Variants in CYGB observed in about 807,000 individuals in gnomAD.
The protein encoded by CYGB is cytoglobin, also known as histoglobin.
A neutral mutation model predicts 20.7 loss-of-function variants in CYGB; 13 were observed. The observed-to-expected ratio is 0.63, with a 90% CI of 0.41 to 1.00. The LOEUF is 1.00. CYGB is among the 50% of genes least tolerant of loss of function. CYGB has a pLI of 0.00. For synonymous variants in CYGB, 93 were observed against 107.4 expected, an observed-to-expected ratio of 0.87 and a Z score of 0.83; for missense variants, 218 against 257.2, an observed-to-expected ratio of 0.85 and a Z score of 1.04.
Position 76,531,988 on chromosome 17 carries a change from T to A in CYGB, c.144-297A>T, listed in dbSNP as rs1294406183. On this transcript the variant is annotated intron_variant, in intron 1 of 3. Transcript: ENST00000293230. This position sits in a 1 kb window ranked among gnomAD's most constrained non-coding sequence, Gnocchi z 7.4. Reference sequence around the variant, plus strand: ...TTCCTTCCCAAACTCTACACCCCCTTCAAGCCCTGCTCTAGTCATAGCCGA... The same window carrying A: ...TTCCTTCCCAAACTCTACACCCCCTACAAGCCCTGCTCTAGTCATAGCCGA... 1 of 310,720 alleles carries A rather than the reference T, an allele frequency of 3.2e-6. No homozygotes were observed. The highest frequency in any genetic ancestry group is 2.1e-5 in the African/African-American group (1 of 48,056). 19.2% of individuals were successfully genotyped at this position (310,720 alleles called of 1,614,324 possible).
At chr17:76,538,505 C>T, upstream of CYGB, 1 of 466,924 alleles carries the variant, frequency 2.1e-6, no homozygotes, top group Non-Finnish European at 4.4e-6. Flanking sequence ...ATGACACGGA[C>T]AGGCAAGAAC....
rs1598198570 is a variant in CYGB at position 76,527,611 on chromosome 17, G to C, written c.*967C>G. The C allele has an allele frequency of 6.6e-6, 3 of 453,208 alleles. No individual in the cohort carries two copies. Among genetic ancestry groups the C allele is most frequent in the Non-Finnish European group, 8.8e-6 (2 of 226,046 alleles). The allele number at this position is 453,208 out of a possible 1,614,324, so 28.1% of individuals were successfully genotyped here. On this transcript the variant is annotated 3_prime_UTR_variant, in exon 4 of 4. Coordinates refer to ENST00000293230, the MANE Select transcript of CYGB (RefSeq NM_134268.5). ...ATAGACAGGGCCGACTGCCGGCCAG[G>C]AGGAGGGTGGGGTGGGGAAAGCCCT...
Position 76,528,583 on chromosome 17 carries a change from GC to G in CYGB, c.567del (p.Pro190ArgfsTer25). On this transcript the variant is annotated frameshift_variant, in exon 4 of 4. Coordinates refer to ENST00000293230, the MANE Select transcript of CYGB (RefSeq NM_134268.5). LOFTEE classifies it high-confidence loss of function. The surrounding 1 kb of genome is among the most constrained non-coding windows in gnomAD (Gnocchi z 5.8). ...GGGGGGTGGAGTTAGGGGTCCTACG[GC>G]CCCGAAGAGGGCAGTGTGGCCGGTG... ...TTPPATLPSS[G>X]P 1 of 1,287,216 alleles carries G rather than the reference GC, an allele frequency of 7.8e-7. No homozygotes were observed. The highest frequency in any genetic ancestry group is 9.9e-7 in the Non-Finnish European group (1 of 1,009,396). The allele number at this position is 1,287,216 out of a possible 1,614,324, so 79.7% of individuals were successfully genotyped here.
At chr17:76,544,951 CAGAGGAAGGGCGGGAAAAAG>C (rs1322150853) in intron 1 of CYGB, 3 of 456,668 alleles carry the variant, frequency 6.6e-6, no homozygotes, top group Non-Finnish European at 1.3e-5. Context: ...GGGATCCATC[CAGAGGAAGGGCGGGAAAAAG>C]AGAGGAAGGG....
chr17:76,534,887 T>G (rs759394535), intron 1 of CYGB, among the ~76,000 whole-genome samples: 1 of 152,164 alleles, frequency 6.6e-6, no homozygotes, highest in African/African-American at 2.4e-5. Context: ...TGTGCCTGGC[T>G]CCTTCCTCCT....
upstream of CYGB, chr17:76,542,607 G>C (rs1315794886): frequency 1.2e-6 from 2 of 1,613,646 alleles, no homozygotes; most frequent in Non-Finnish European, 1.7e-6. Context: ...CTCAGGCCCA[G>C]AGACTGGGAT....
chr17:76,531,585 G>A lies in CYGB; in HGVS notation c.250C>T (p.Arg84Ter). ...ACAGTGTTGAGGGCCCCCATGACTC[G>A]GCAGGCGTGCTTCCGCAGCTGGGGG... ...RSPQLRKHACRVMGALNTVVE... is the reference protein window; with the variant it reads ...RSPQLRKHAC Residue 84 changes from arginine (R) to a stop codon, truncating the protein, a stop_gained, in exon 2 of 4, where the codon CGA (arginine) becomes TGA (stop). Coordinates refer to ENST00000293230, the MANE Select transcript of CYGB (RefSeq NM_134268.5). LOFTEE classifies it high-confidence loss of function. The surrounding 1 kb of genome is among the most constrained non-coding windows in gnomAD (Gnocchi z 7.4). 1.2e-6 allele frequency: 2 copies of A among 1,613,982 alleles called. No individual in the cohort carries two copies. The highest frequency in any genetic ancestry group is 1.7e-6 in the Non-Finnish European group (2 of 1,179,828).
intron 1 of CYGB, chr17:76,545,796 G>A (rs1209377833): frequency 4.8e-6 from 1 of 210,182 alleles, no homozygotes; most frequent in Non-Finnish European, 9.7e-6. Flanking sequence ...GCACAATCCG[G>A]TTTGAACTGT....
At chr17:76,547,716 G>C (rs1456286669) in intron 1 of CYGB, among the ~76,000 whole-genome samples, 4 of 140,160 alleles carry the variant, frequency 2.9e-5, no homozygotes, top group Non-Finnish European at 3.1e-5. Flanking sequence ...CACACACAGA[G>C]ACACATACAT....
chr17:76,531,503 T>G lies in CYGB; in HGVS notation c.332A>C (p.Lys111Thr), dbSNP rs1158213920. Residue 111 changes from lysine (K) to threonine (T), a missense_variant, in exon 2 of 4, where the codon AAA becomes ACA. Physicochemically the swap from Lys to Thr is moderately conservative, Grantham distance 78 (BLOSUM62 -1). Coordinates refer to ENST00000293230, the MANE Select transcript of CYGB (RefSeq NM_134268.5). This position sits in a 1 kb window ranked among gnomAD's most constrained non-coding sequence, Gnocchi z 7.4. Reference protein sequence around the residue: ...KVSSVLALVGKAHALKHKVEP... With the variant: ...KVSSVLALVGTAHALKHKVEP... ...CACCTTGTGCTTGAGGGCGTGGGCT[T>G]TCCCCACAAGGGCGAGCACAGAGGA... 1.2e-6 allele frequency: 2 copies of G among 1,613,342 alleles called. No homozygotes were observed. Among genetic ancestry groups the G allele is most frequent in the Non-Finnish European group, 1.7e-6 (2 of 1,179,298 alleles).
rs746405400 is a variant in CYGB, at chr17:76,531,729, G to T, written c.144-38C>A. ...ACAGGGGTGGTCGCTGAAGCTGGAGGCTGCCTCGGGCCCACCCTGAAGCTT... is the reference window on the plus strand; with the variant it reads ...ACAGGGGTGGTCGCTGAAGCTGGAGTCTGCCTCGGGCCCACCCTGAAGCTT... On this transcript the variant is annotated intron_variant, in intron 1 of 3. Coordinates refer to ENST00000293230, the MANE Select transcript of CYGB (RefSeq NM_134268.5). The surrounding 1 kb of genome is among the most constrained non-coding windows in gnomAD (Gnocchi z 7.4). 1 of 1,536,542 alleles carries T rather than the reference G, an allele frequency of 6.5e-7. No homozygotes were observed. The highest frequency in any genetic ancestry group is 8.9e-7 in the Non-Finnish European group (1 of 1,127,830).
chr17:76,537,331 A>AGCCCTCCTCTGCCCGGAGCCGCTGCC, intron 1 of CYGB, 69 bp downstream of exon 1: 1 of 1,461,744 alleles, frequency 6.8e-7, no homozygotes. Flanking sequence ...ACCCGGGCCC[A>AGCCCTCCTCTGCCCGGAGCCGCTGCC]GCCCTCCTCT....
At position 76,531,353 on chromosome 17, in the gene CYGB, T is replaced by G; in HGVS notation, c.375+107A>C. On this transcript the variant is annotated intron_variant, in intron 2 of 3. Coordinates refer to ENST00000293230, the MANE Select transcript of CYGB (RefSeq NM_134268.5). The surrounding 1 kb of genome is among the most constrained non-coding windows in gnomAD (Gnocchi z 7.4). The stretch of plus-strand genomic sequence containing the variant: ...CACTGCCCCTCCCTCTCGCAGCCAC[T>G]CCGGGGATCACCTCTGTTGCTCCAG... 2 of 1,406,144 alleles carry G rather than the reference T, an allele frequency of 1.4e-6. No individual in the cohort carries two copies. The highest frequency in any genetic ancestry group is 1.9e-6 in the Non-Finnish European group (2 of 1,028,620). The allele number at this position is 1,406,144 out of a possible 1,614,324, so 87.1% of individuals were successfully genotyped here.
In CYGB at chr17:76,531,844, A is replaced by G; in HGVS notation, c.144-153T>C. ...CACTACCATCAGTAGACCTCAGCAT[A>G]GACCCTCCTCCCTCTGGCCAAGCCG... is the stretch of plus-strand genomic sequence containing the variant. On this transcript the variant is annotated intron_variant, in intron 1 of 3. Transcript: ENST00000293230. This position sits in a 1 kb window ranked among gnomAD's most constrained non-coding sequence, Gnocchi z 7.4. 1.6e-6 allele frequency: 1 copy of G among 638,020 alleles called. No homozygotes were observed. The highest frequency in any genetic ancestry group is 2.7e-6 in the Non-Finnish European group (1 of 375,626). 39.5% of individuals were successfully genotyped at this position (638,020 alleles called of 1,614,324 possible). A position where few individuals can be genotyped will look rare whatever the true frequency, so the allele number is the denominator to read the frequency against.
Position 76,537,466 on chromosome 17 carries a change from G to T in CYGB, c.77C>A (p.Ala26Glu), listed in dbSNP as rs758935818. ...SEELSEAERK[A>E]VQAMWARLYA... ...GAGCCGGGCCCACATAGCCTGCACC[G>T]CCTTCCTCTCCGCCTCGGACAGCTC... is the stretch of plus-strand genomic sequence containing the variant. Residue 26 changes from alanine (A) to glutamate (E), a missense_variant, in exon 1 of 4, where the codon GCG (alanine) becomes GAG (glutamate). By Grantham distance (107) the Ala-to-Glu change is moderately radical. This residue lies in a region of CYGB where 152 missense variants were observed against 149.9 expected (regional missense o/e 1.01). Coordinates refer to ENST00000293230, the MANE Select transcript of CYGB (RefSeq NM_134268.5). The T allele has an allele frequency of 6.3e-7, 1 of 1,596,878 alleles. No individual in the cohort carries two copies. Among genetic ancestry groups the T allele is most frequent in the Non-Finnish European group, 8.5e-7 (1 of 1,172,238 alleles).
In CYGB at chr17:76,533,562, A is replaced by T. The variant is rs987124402; in HGVS notation, c.144-1871T>A. On this transcript the variant is annotated intron_variant, in intron 1 of 3. Coordinates refer to ENST00000293230, the MANE Select transcript of CYGB (RefSeq NM_134268.5). The surrounding 1 kb of genome is among the most constrained non-coding windows in gnomAD (Gnocchi z 4.5). ...CAATGTGGCAAACCCTGTCTCTACAAAATACAAAAAATTAGCCAGGTGTGG... is the reference window on the plus strand; with the variant it reads ...CAATGTGGCAAACCCTGTCTCTACATAATACAAAAAATTAGCCAGGTGTGG... 6.6e-6 allele frequency among the ~76,000 whole-genome samples: 1 copy of T among 152,048 alleles called. No individual in the cohort carries two copies. Among genetic ancestry groups the T allele is most frequent in the Non-Finnish European group, 1.5e-5 (1 of 68,018 alleles).
In CYGB at chr17:76,530,915, A is replaced by G. The variant is rs2074829401; in HGVS notation, c.539+64T>C. On this transcript the variant is annotated intron_variant, in intron 3 of 3. Transcript: ENST00000293230. The surrounding 1 kb of genome is among the most constrained non-coding windows in gnomAD (Gnocchi z 6.1). ...CCCAGGGCCTCAGGAGATATGGGAG[A>G]CCTCGGGGACAGCAGAGGACATGGC... is the stretch of plus-strand genomic sequence containing the variant. 1.3e-6 allele frequency: 2 copies of G among 1,482,854 alleles called. No individual in the cohort carries two copies. Among genetic ancestry groups the G allele is most frequent in the East Asian group, 2.5e-5 (1 of 40,306 alleles). 91.9% of individuals were successfully genotyped at this position (1,482,854 alleles called of 1,614,324 possible).
intron 1 of CYGB, among the ~76,000 whole-genome samples, chr17:76,537,143 G>A (rs1726245808): frequency 6.6e-6 from 1 of 152,230 alleles, no homozygotes; most frequent in Admixed American, 6.5e-5. Context: ...TGAGGCCGGG[G>A]AGAGGAGGGG....
intron 1 of CYGB, chr17:76,547,315 G>C (rs1000577548): frequency 2.6e-5 from 4 of 152,354 alleles, no homozygotes; most frequent in Non-Finnish European, 5.9e-5. Context: ...GCCAGGGGCA[G>C]GGCCCTGGGG....
Sources: allele counts gnomAD v4.1 joint callset (sites outside exome capture counted in the v4.1 genomes callset), GRCh38; gene constraint gnomAD v4.1.1; regional missense constraint gnomAD v4.1.1; non-coding constraint Gnocchi (gnomAD v3.1); transcripts MANE v1.5; gene names NCBI Gene and HGNC (gene_info 2026-07-23, HGNC 2026-07-21).